TRPC4: variants seen among roughly 807,000 people sequenced by gnomAD.
The protein encoded by TRPC4 is short transient receptor potential channel 4.
A neutral mutation model predicts 99.4 loss-of-function variants in TRPC4; 49 were observed. The ratio of observed to expected loss-of-function variants is 0.49; its 90% CI spans 0.39 to 0.63. The LOEUF (loss-of-function observed/expected upper bound fraction) is 0.63, where lower values mean the gene tolerates loss of function less well. TRPC4 is among the 20% of genes least tolerant of loss of function. The pLI is 0.00. For missense variants in TRPC4, 898 were observed against 1,152.9 expected, an observed-to-expected ratio of 0.78 and a Z score of 3.20; for synonymous variants, 454 against 425.9, an observed-to-expected ratio of 1.07 and a Z score of -0.81.
intron 3 of TRPC4, among the ~76,000 whole-genome samples, chr13:37,697,645 T>G (rs1953952405): frequency 6.6e-6 from 1 of 152,202 alleles, no homozygotes; most frequent in Admixed American, 6.5e-5. Flanking sequence ...TGCTTGAGTC[T>G]AAATTGTTGC....
In TRPC4 at chr13:37,820,775, A is replaced by C. The variant is rs1957987965; in HGVS notation, c.-27-37415T>G. Among the ~76,000 whole-genome samples, 3 of 152,032 alleles carry C rather than the reference A, an allele frequency of 2.0e-5. No homozygotes were observed. The South Asian group carries it at 6.2e-4, about 31-fold the overall frequency. On this transcript the variant is annotated intron_variant, in intron 1 of 10. Transcript: ENST00000379705. ...GAACCCTCAACAAACTAGGCATTGA[A>C]GGAACATACTTCAAAATAATAACAG...
intron 2 of TRPC4, 35 bp downstream of exon 2, chr13:37,782,921 G>T: frequency 3.6e-6 from 5 of 1,406,120 alleles, no homozygotes; most frequent in South Asian, 1.9e-5. Flanking sequence ...CCTTCTGCAG[G>T]TAAAATAAAT....
At chr13:37,771,982 T>C (rs980459467) in intron 2 of TRPC4, among the ~76,000 whole-genome samples, 1 of 151,548 alleles carries the variant, frequency 6.6e-6, no homozygotes, top group Non-Finnish European at 1.5e-5. Context: ...ACAACTGAAG[T>C]TGGACTAGGG....
intron 1 of TRPC4, among the ~76,000 whole-genome samples, chr13:37,843,841 T>A (rs1330053673): frequency 1.3e-5 from 2 of 152,158 alleles, no homozygotes; most frequent in African/African-American, 4.8e-5. Flanking sequence ...TAATTCTGAA[T>A]ATCCCACACC....
chr13:37,746,005 G>C lies in TRPC4; in HGVS notation c.829C>G (p.Leu277Val). Reference protein sequence around the residue: ...IILNYRDDNSLIEEQSGNDLA... With the variant: ...IILNYRDDNSVIEEQSGNDLA... ...TCATTTCCACTTTGTTCTTCTATGA[G>C]ACTATTGTCATCTCGGTAATTAAGA... Residue 277 changes from leucine to valine, a missense_variant, in exon 3 of 11, where the codon CTC becomes GTC. This residue lies in a region of TRPC4 where 278 missense variants were observed against 346.6 expected (regional missense o/e 0.80). Transcript: ENST00000379705. The C allele has an allele frequency of 6.2e-7, 1 of 1,613,774 alleles. No homozygotes were observed. Among genetic ancestry groups the C allele is most frequent in the East Asian group, 2.2e-5 (1 of 44,850 alleles).
chr13:37,681,863 C>A (rs775926578), intron 4 of TRPC4, among the ~76,000 whole-genome samples: 4 of 152,154 alleles, frequency 2.6e-5, no homozygotes, highest in Non-Finnish European at 5.9e-5. Flanking sequence ...CTGTGGGGAC[C>A]AACAAAGGAA....
At chr13:37,849,502 C>T (rs1468023557) in intron 1 of TRPC4, among the ~76,000 whole-genome samples, 1 of 151,942 alleles carries the variant, frequency 6.6e-6, no homozygotes, top group Non-Finnish European at 1.5e-5. Context: ...GGATGTCAGC[C>T]CAAAATACAA....
intron 1 of TRPC4, among the ~76,000 whole-genome samples, chr13:37,863,207 A>G (rs1959503362): frequency 6.6e-6 from 1 of 151,560 alleles, no homozygotes; most frequent in Non-Finnish European, 1.5e-5. Flanking sequence ...ATGATCATAT[A>G]GAAAGATTTA....
chr13:37,650,959 G>A (rs1278857341), intron 8 of TRPC4, among the ~76,000 whole-genome samples: 1 of 152,162 alleles, frequency 6.6e-6, no homozygotes, highest in Non-Finnish European at 1.5e-5. Context: ...AGACCTAGAA[G>A]TCAAGGTATT....
intron 1 of TRPC4, among the ~76,000 whole-genome samples, chr13:37,813,726 T>A (rs1957765662): frequency 6.6e-6 from 1 of 151,770 alleles, no homozygotes; most frequent in Non-Finnish European, 1.5e-5. Flanking sequence ...AATTAGTAAA[T>A]TATTTTTTAA....
intron 1 of TRPC4, among the ~76,000 whole-genome samples, chr13:37,835,131 C>T (rs1287264565): frequency 3.3e-5 from 5 of 151,870 alleles, no homozygotes; most frequent in African/African-American, 9.7e-5. Flanking sequence ...GAATGTTTGC[C>T]AATATGAAAC....
At chr13:37,650,861 G>C (rs1448445495) in intron 8 of TRPC4, among the ~76,000 whole-genome samples, 1 of 152,156 alleles carries the variant, frequency 6.6e-6, no homozygotes, top group Admixed American at 6.5e-5. Context: ...CAAAGCACGT[G>C]CCCTTCCCTC....
intron 3 of TRPC4, among the ~76,000 whole-genome samples, chr13:37,730,222 C>T (rs998908776): frequency 2.0e-5 from 3 of 151,902 alleles, no homozygotes; most frequent in African/African-American, 7.3e-5. Flanking sequence ...ATATTTTTAC[C>T]TCAGGAGGTA....
chr13:37,679,673 T>G (rs1396063995), intron 4 of TRPC4, among the ~76,000 whole-genome samples: 1 of 152,220 alleles, frequency 6.6e-6, no homozygotes, highest in African/African-American at 2.4e-5. Flanking sequence ...AGACAACTGC[T>G]TTATTCTAAA....
intron 2 of TRPC4, among the ~76,000 whole-genome samples, chr13:37,747,270 C>A (rs1367755255): frequency 1.3e-5 from 2 of 152,116 alleles, no homozygotes; most frequent in East Asian, 3.9e-4. Context: ...TTATTATTCA[C>A]ATTTTATGGA....
rs1958008507 is a variant in TRPC4 at position 37,821,466 on chromosome 13, A to G, written c.-27-38106T>C. 2.0e-5 allele frequency among the ~76,000 whole-genome samples: 3 copies of G among 152,286 alleles called. No individual in the cohort carries two copies. In the South Asian group the frequency reaches 6.2e-4, roughly 32 times the overall value. ...TTCAAAGAATTAGAAAAACTATTTT[A>G]AAATTCATATAGAACCAAAGAAGAG... On this transcript the variant is annotated intron_variant, in intron 1 of 10. Transcript: ENST00000379705.
At chr13:37,791,398 T>TAAAAAA (rs11312586) in intron 1 of TRPC4, among the ~76,000 whole-genome samples, 1 of 114,764 alleles carries the variant, frequency 8.7e-6, no homozygotes. Flanking sequence ...TCTGTCTCAA[T>TAAAAAA]AAAAAAAAAA....
chr13:37,834,560 T>G (rs530154436), intron 1 of TRPC4, among the ~76,000 whole-genome samples: 240 of 152,306 alleles, frequency 1.6e-3, no homozygotes, highest in Non-Finnish European at 3.0e-3. Flanking sequence ...CCAACTAAAT[T>G]CTGACATGCA....
At chr13:37,855,548 T>C (rs1470418427) in intron 1 of TRPC4, among the ~76,000 whole-genome samples, 1 of 151,718 alleles carries the variant, frequency 6.6e-6, no homozygotes, top group African/African-American at 2.4e-5. Flanking sequence ...TAGATATTTA[T>C]AGAACATTTT....
Sources: gnomAD v4.1 joint callset for allele counts (sites outside exome capture counted in the v4.1 genomes callset) on GRCh38, gnomAD v4.1.1 for gene constraint, gnomAD v4.1.1 regional missense constraint, MANE v1.5 for transcripts, NCBI Gene and HGNC (gene_info 2026-07-23, HGNC 2026-07-21) for gene names.